The following PCSK5 variants were observed in gnomAD, a reference collection of about 807,000 sequenced individuals.
PCSK5 encodes the protein prohormone convertase 5.
In PCSK5, 129 loss-of-function variants were observed where a neutral mutation model predicts 233.2. The observed-to-expected ratio is 0.55, with a 90% CI of 0.48 to 0.64. PCSK5 has a LOEUF of 0.64. PCSK5 is among the 30% of genes least tolerant of loss of function. The pLI is 0.00. For missense variants in PCSK5, 2,076 were observed against 2,430.1 expected, an observed-to-expected ratio of 0.85 and a Z score of 3.06; for synonymous variants, 825 against 879.2, an observed-to-expected ratio of 0.94 and a Z score of 1.09.
At chr9:76,195,853 T>C (rs1400161839) in intron 20 of PCSK5, 1 of 152,218 alleles carries the variant, frequency 6.6e-6, no homozygotes, top group African/African-American at 2.4e-5. Context: ...ATTCCATATT[T>C]TATTTTTTCT....
chr9:76,022,991 C>T (rs909261039), intron 3 of PCSK5, among the ~76,000 whole-genome samples: 1 of 152,142 alleles, frequency 6.6e-6, no homozygotes, highest in Non-Finnish European at 1.5e-5. Context: ...GGCTGCTGTA[C>T]AGAGAAGCTG....
intron 20 of PCSK5, among the ~76,000 whole-genome samples, chr9:76,206,072 C>A (rs1156936881): frequency 1.3e-5 from 2 of 152,206 alleles, no homozygotes; most frequent in Non-Finnish European, 2.9e-5. Context: ...CCATCAGAAT[C>A]ACCGGGACAG....
chr9:76,257,775 C>A (rs988784531), intron 24 of PCSK5, among the ~76,000 whole-genome samples: 5 of 152,190 alleles, frequency 3.3e-5, no homozygotes, highest in Non-Finnish European at 7.3e-5. Flanking sequence ...CAAGGGGTAT[C>A]CAGGCTGACC....
chr9:76,114,951 G>A (rs762980238), intron 9 of PCSK5, among the ~76,000 whole-genome samples: 4 of 152,048 alleles, frequency 2.6e-5, no homozygotes, highest in African/African-American at 4.8e-5. Flanking sequence ...GGGTAGCCTG[G>A]TCAAGGTGAT....
At chr9:76,018,943 G>T (rs1828069070) in intron 3 of PCSK5, among the ~76,000 whole-genome samples, 1 of 152,090 alleles carries the variant, frequency 6.6e-6, no homozygotes, top group African/African-American at 2.4e-5. Context: ...ATCTGAATTT[G>T]CTTGTTTTTG....
chr9:75,987,043 T>C (rs1394914001), intron 3 of PCSK5, among the ~76,000 whole-genome samples: 1 of 152,224 alleles, frequency 6.6e-6, no homozygotes, highest in South Asian at 2.1e-4. Flanking sequence ...ATTTTGCCAG[T>C]ATATTATTCA....
chr9:75,921,072 A>G (rs1823236594), intron 1 of PCSK5, among the ~76,000 whole-genome samples: 1 of 152,184 alleles, frequency 6.6e-6, no homozygotes, highest in South Asian at 2.1e-4. Flanking sequence ...GCTTATTTTA[A>G]TTAACTAGAT....
At chr9:75,919,288 A>G (rs1310039530) in intron 1 of PCSK5, among the ~76,000 whole-genome samples, 3 of 152,218 alleles carry the variant, frequency 2.0e-5, no homozygotes, top group Admixed American at 2.0e-4. Context: ...TTAATTAATC[A>G]GTAGTTTGCT....
chr9:76,347,413 C>T (rs1830007218), intron 35 of PCSK5, among the ~76,000 whole-genome samples: 1 of 152,166 alleles, frequency 6.6e-6, no homozygotes. Flanking sequence ...AGAAAGCCTT[C>T]TGGAAATCAA....
intron 9 of PCSK5, among the ~76,000 whole-genome samples, chr9:76,119,140 G>T (rs1832540847): frequency 6.6e-6 from 1 of 151,952 alleles, no homozygotes. Context: ...TATTCAAATT[G>T]AATTTCAAAA....
chr9:76,308,769 A>C (rs1167151461), intron 29 of PCSK5, 41 bp downstream of exon 29: 2 of 1,311,310 alleles, frequency 1.5e-6, no homozygotes, highest in East Asian at 4.6e-5. Context: ...CAGTCAAGCC[A>C]AGTCATTGAA....
intron 10 of PCSK5, among the ~76,000 whole-genome samples, chr9:76,148,578 C>T (rs1823546898): frequency 1.3e-5 from 2 of 152,158 alleles, no homozygotes; most frequent in South Asian, 4.1e-4. Context: ...CAGAAGCCAT[C>T]AGTCATCTTT....
rs543848389 is a variant in PCSK5, at chr9:76,003,617, A to G, written c.411+17372A>G. Among the ~76,000 whole-genome samples, 10 of 152,346 alleles carry G rather than the reference A, an allele frequency of 6.6e-5. No individual in the cohort carries two copies. The South Asian group carries it at 2.1e-3, about 32-fold the overall frequency. ...GTGAAAATACAGTCCAAAATATTGCAGAATGCATCTCCTAAGAACAACATT... is the reference window on the plus strand; with the variant it reads ...GTGAAAATACAGTCCAAAATATTGCGGAATGCATCTCCTAAGAACAACATT... On this transcript the variant is annotated intron_variant, in intron 3 of 37. Transcript: ENST00000674117.
Position 76,081,502 on chromosome 9 carries a change from A to C in PCSK5, c.894+9604A>C, listed in dbSNP as rs79190845. On this transcript the variant is annotated intron_variant, in intron 7 of 37. Transcript: ENST00000674117. ...AAACAAACAAATAAATAAATAAATA[A>C]ATACATAAAAGCATATTAAGGGTTC... is the stretch of plus-strand genomic sequence containing the variant. 3.5e-3 allele frequency among the ~76,000 whole-genome samples: 532 copies of C among 152,124 alleles called. 2 individuals are homozygous for C. Among genetic ancestry groups the C allele is most frequent in the South Asian group, 6.4e-3 (31 of 4,816 alleles).
chr9:76,184,648 T>TATA, intron 16 of PCSK5, 25 bp from the exon 17 acceptor site: 1 of 1,514,218 alleles, frequency 6.6e-7, no homozygotes, highest in Non-Finnish European at 9.2e-7. Context: ...CCAACTGATT[T>TATA]ACAACTTTCT....
chr9:76,131,624 A>G (rs1299877850), intron 9 of PCSK5, among the ~76,000 whole-genome samples: 1 of 152,140 alleles, frequency 6.6e-6, no homozygotes, highest in Non-Finnish European at 1.5e-5. Flanking sequence ...GGCTTCCTGA[A>G]TCTGCCAGAA....
At chr9:75,943,785 G>A (rs118080731) in intron 2 of PCSK5, among the ~76,000 whole-genome samples, 2,172 of 152,180 alleles carry the variant, frequency 0.014, 27 homozygotes, top group Non-Finnish European at 0.022. Flanking sequence ...CAAAAGTGTA[G>A]GTTAAATCCT....
Position 76,338,434 on chromosome 9 carries a change from T to G in PCSK5, c.4953T>G (p.Cys1651Trp), listed in dbSNP as rs772974884. Residue 1651 changes from cysteine (C) to tryptophan (W), a missense_variant, in exon 35 of 38, where the codon TGT (cysteine) becomes TGG (tryptophan). Physicochemically the swap from Cys to Trp is radical, Grantham distance 215. Transcript: ENST00000674117. ...CCTGTGAGAGATGCCATCCGACTTG[T>G]GATCAATGCAAAGGTGAGAGTCTAC... ...TQTCERCHPT[C>W]DQCKGKGALN... The G allele has an allele frequency of 5.6e-6, 9 of 1,609,794 alleles. No homozygotes were observed. The highest frequency in any genetic ancestry group is 1.3e-5 in the African/African-American group (1 of 74,896).
chr9:76,056,356 C>T (rs955187107), intron 5 of PCSK5, among the ~76,000 whole-genome samples: 4 of 152,210 alleles, frequency 2.6e-5, no homozygotes, highest in Non-Finnish European at 2.9e-5. Context: ...ATGTTTCCAT[C>T]CACATTAACA....
Sources: allele counts gnomAD v4.1 joint callset (sites outside exome capture counted in the v4.1 genomes callset), GRCh38; gene constraint gnomAD v4.1.1; transcripts MANE v1.5; gene names NCBI Gene and HGNC (gene_info 2026-07-23, HGNC 2026-07-21).